Variants in GRM5 observed in about 807,000 individuals in gnomAD.
GRM5 encodes glutamate metabotropic receptor 5, also known as metabotropic glutamate receptor 5.
In GRM5, 19 loss-of-function variants were observed where a neutral mutation model predicts 83.1. The observed-to-expected ratio is 0.23, with a 90% CI of 0.16 to 0.34. The LOEUF (loss-of-function observed/expected upper bound fraction) is 0.34. Ranked by LOEUF, GRM5 falls within the 10% of genes least tolerant of loss-of-function variation. The probability of loss-of-function intolerance (pLI) is 1.00; values close to 1 mark genes in which losing one functional copy is unlikely to be tolerated. For missense variants in GRM5, 1,160 were observed against 1,588.3 expected, an observed-to-expected ratio of 0.73 and a Z score of 4.58; for synonymous variants, 675 against 633.6, an observed-to-expected ratio of 1.07 and a Z score of -0.98.
At chr11:89,046,714 T>C (rs764299225) in intron 2 of GRM5, among the ~76,000 whole-genome samples, 2 of 152,300 alleles carry the variant, frequency 1.3e-5, no homozygotes, top group Middle Eastern at 3.4e-3. Flanking sequence ...TCTGAAAAAA[T>C]AGCTGTAAGA....
At chr11:88,867,818 C>A (rs1944698921) in intron 2 of GRM5, among the ~76,000 whole-genome samples, 1 of 151,720 alleles carries the variant, frequency 6.6e-6, no homozygotes, top group African/African-American at 2.4e-5. Context: ...CTTCCAGCCT[C>A]TAAACTATAA....
intron 4 of GRM5, among the ~76,000 whole-genome samples, chr11:88,638,824 C>A (rs1352033276): frequency 3.3e-5 from 5 of 151,882 alleles, no homozygotes; most frequent in African/African-American, 1.2e-4. Context: ...GTTGCCTCAC[C>A]CATTCCTGAT....
At chr11:88,936,294 C>A (rs1284352320) in intron 2 of GRM5, among the ~76,000 whole-genome samples, 1 of 151,874 alleles carries the variant, frequency 6.6e-6, no homozygotes, top group African/African-American at 2.4e-5. Context: ...CTAGAATTGG[C>A]AAGAAGTCAA....
At chr11:89,009,327 T>G (rs1290274684) in intron 2 of GRM5, among the ~76,000 whole-genome samples, 1 of 152,188 alleles carries the variant, frequency 6.6e-6, no homozygotes, top group African/African-American at 2.4e-5. Context: ...TGAGCTAATT[T>G]CAATTTTGAA....
At chr11:89,023,700 A>T (rs565940757) in intron 2 of GRM5, among the ~76,000 whole-genome samples, 1 of 151,852 alleles carries the variant, frequency 6.6e-6, no homozygotes, top group African/African-American at 2.4e-5. Context: ...ATTAAAAAAA[A>T]ATATTCAGGC....
intron 2 of GRM5, among the ~76,000 whole-genome samples, chr11:89,030,905 A>T (rs148042566): frequency 1.3e-5 from 2 of 152,030 alleles, no homozygotes; most frequent in African/African-American, 4.8e-5. Context: ...TCTAAATATA[A>T]ATGTGTCTAG....
chr11:88,953,170 C>T (rs1033130058), intron 2 of GRM5, among the ~76,000 whole-genome samples: 9 of 152,244 alleles, frequency 5.9e-5, no homozygotes, highest in Admixed American at 2.6e-4. Flanking sequence ...TTGTAAGACT[C>T]GTGTTTATTG....
chr11:88,715,579 C>T (rs556166913), intron 3 of GRM5, among the ~76,000 whole-genome samples: 9 of 152,066 alleles, frequency 5.9e-5, no homozygotes, highest in East Asian at 5.8e-4. Flanking sequence ...AGATTTTACA[C>T]GAATCTTTGT....
intron 3 of GRM5, among the ~76,000 whole-genome samples, chr11:88,737,786 T>C (rs951568962): frequency 6.6e-6 from 1 of 152,086 alleles, no homozygotes; most frequent in Non-Finnish European, 1.5e-5. Context: ...CTATCTATAC[T>C]ACAATATGCA....
chr11:88,611,251 C>T (rs1195096351), intron 4 of GRM5, among the ~76,000 whole-genome samples: 5 of 152,058 alleles, frequency 3.3e-5, no homozygotes, highest in Non-Finnish European at 1.5e-5. Flanking sequence ...GGGAGGAGTA[C>T]CTTCTCCTTG....
chr11:88,747,244 T>G (rs1367782209), intron 3 of GRM5, among the ~76,000 whole-genome samples: 1 of 152,186 alleles, frequency 6.6e-6, no homozygotes, highest in Non-Finnish European at 1.5e-5. Flanking sequence ...AATGATTTAT[T>G]CAGATGCATG....
At chr11:88,650,331 C>T (rs1383166815) in intron 4 of GRM5, among the ~76,000 whole-genome samples, 4 of 151,810 alleles carry the variant, frequency 2.6e-5, no homozygotes, top group Admixed American at 2.6e-4. Context: ...CATGTCCATA[C>T]TATATGAGGA....
intron 2 of GRM5, among the ~76,000 whole-genome samples, chr11:88,937,724 G>A (rs1294666245): frequency 6.6e-6 from 1 of 151,486 alleles, no homozygotes; most frequent in East Asian, 1.9e-4. Context: ...AAATTTTAAA[G>A]CAAATTCAGT....
At chr11:88,870,666 T>C (rs1295603144) in intron 2 of GRM5, among the ~76,000 whole-genome samples, 1 of 151,538 alleles carries the variant, frequency 6.6e-6, no homozygotes, top group Non-Finnish European at 1.5e-5. Flanking sequence ...AAAGGGAATC[T>C]TGTGTTCCAT....
At chr11:88,927,197 C>T (rs1945804695) in intron 2 of GRM5, among the ~76,000 whole-genome samples, 1 of 152,062 alleles carries the variant, frequency 6.6e-6, no homozygotes, top group Admixed American at 6.5e-5. Flanking sequence ...CAATATAGTT[C>T]AGGAAGCTCC....
chr11:88,754,327 G>A (rs1270322183), intron 3 of GRM5, among the ~76,000 whole-genome samples: 2 of 151,976 alleles, frequency 1.3e-5, no homozygotes, highest in Non-Finnish European at 2.9e-5. Context: ...TGGATGCAAG[G>A]CTTATTACCT....
chr11:89,017,872 T>C (rs1391060466), intron 2 of GRM5, among the ~76,000 whole-genome samples: 1 of 152,130 alleles, frequency 6.6e-6, no homozygotes, highest in Non-Finnish European at 1.5e-5. Flanking sequence ...ACCCAAGCAT[T>C]TAGATAAAAG....
chr11:88,919,912 G>A (rs1479892660), intron 2 of GRM5, among the ~76,000 whole-genome samples: 1 of 151,848 alleles, frequency 6.6e-6, no homozygotes, highest in Non-Finnish European at 1.5e-5. Flanking sequence ...ATGTTAAGAG[G>A]AAAGTTTATA....
intron 3 of GRM5, among the ~76,000 whole-genome samples, chr11:88,791,008 A>G (rs80147115): frequency 0.012 from 1,762 of 152,342 alleles, 35 homozygotes; most frequent in African/African-American, 0.04. Context: ...AAATGGAAAC[A>G]GAAAATACTA....
Sources: gnomAD v4.1 joint callset for allele counts (sites outside exome capture counted in the v4.1 genomes callset) on GRCh38, gnomAD v4.1.1 for gene constraint, MANE v1.5 for transcripts, NCBI Gene and HGNC (gene_info 2026-07-23, HGNC 2026-07-21) for gene names.